PYGB: variants seen among roughly 807,000 people sequenced by gnomAD.
PYGB encodes glycogen phosphorylase B.
Under a neutral mutation model 94.3 loss-of-function variants are expected in PYGB, and 82 were observed. The ratio of observed to expected loss-of-function variants is 0.87; its 90% confidence interval spans 0.73 to 1.04. PYGB has a LOEUF of 1.04. Among genes scored for constraint, PYGB ranks in the 50% least tolerant of loss-of-function variants. The probability of loss-of-function intolerance (pLI) is 0.00; values close to 1 mark genes in which losing one functional copy is unlikely to be tolerated. For synonymous variants in PYGB, 488 were observed against 479.1 expected (o/e 1.02, Z -0.24); for missense variants, 1,132 against 1,158.2 (o/e 0.98, Z 0.33).
At chr20:25,283,072 G>T in intron 12 of PYGB, 104 bp from the exon 13 acceptor site, 1 of 960,172 alleles carries the variant, frequency 1.0e-6, no homozygotes, top group Non-Finnish European at 1.6e-6. Flanking sequence ...CAGATCCCAG[G>T]GGAAAGCAGG....
intron 1 of PYGB, among the ~76,000 whole-genome samples, chr20:25,256,615 AGGCG>A (rs1167078704): frequency 6.6e-6 from 1 of 152,236 alleles, no homozygotes; most frequent in Non-Finnish European, 1.5e-5. Flanking sequence ...GTTCAATCCC[AGGCG>A]GCAGGGCCTC....
At chr20:25,290,423 C>A (rs2088455900) in intron 15 of PYGB, 58 bp from the exon 16 acceptor site, 1 of 1,580,190 alleles carries the variant, frequency 6.3e-7, no homozygotes, top group Non-Finnish European at 8.7e-7. Flanking sequence ...ACCAGGAGCG[C>A]CTCCAAGGGC....
chr20:25,293,364 G>C (rs186350338), intron 17 of PYGB, among the ~76,000 whole-genome samples: 1 of 152,166 alleles, frequency 6.6e-6, no homozygotes, highest in Non-Finnish European at 1.5e-5. Context: ...GTGTGTGGCC[G>C]TCAGGTCTCC....
chr20:25,249,544 G>A (rs764109379), intron 1 of PYGB, among the ~76,000 whole-genome samples: 5 of 152,196 alleles, frequency 3.3e-5, no homozygotes, highest in African/African-American at 4.8e-5. Context: ...CTTTATGGAT[G>A]GTATTTTAGA....
At chr20:25,248,571 G>T in intron 1 of PYGB, 150 bp downstream of exon 1, 2 of 1,091,626 alleles carry the variant, frequency 1.8e-6, no homozygotes, top group Non-Finnish European at 2.3e-6. Context: ...CTGGGGAGTC[G>T]CCTGGAAGCC....
chr20:25,271,270 T>C (rs1255523827), intron 3 of PYGB, 113 bp from the exon 4 acceptor site: 1 of 957,170 alleles, frequency 1.0e-6, no homozygotes, highest in Non-Finnish European at 1.7e-6. Context: ...CAGTGAAGCC[T>C]GAAGTCAGTG....
intron 1 of PYGB, among the ~76,000 whole-genome samples, chr20:25,258,915 G>A (rs73101756): frequency 0.06 from 9,199 of 152,350 alleles, 348 homozygotes; most frequent in Non-Finnish European, 0.081. Flanking sequence ...GCAGACCTGG[G>A]TCTGTCCAGT....
At chr20:25,266,693 A>G (rs1380471263) in intron 2 of PYGB, among the ~76,000 whole-genome samples, 1 of 152,218 alleles carries the variant, frequency 6.6e-6, no homozygotes, top group Admixed American at 6.5e-5. Flanking sequence ...AGACAACCCA[A>G]TTGAAAAATG....
At position 25,276,804 on chromosome 20, in the gene PYGB, G is replaced by T. The variant is rs534466961; in HGVS notation, c.772+47G>T. 5 of 1,554,064 alleles carry T rather than the reference G, an allele frequency of 3.2e-6. No homozygotes were observed. The African/African-American group carries it at 6.8e-5, about 21-fold the overall frequency. ...ACCCTTGTGTCCATGTGGGTGGCTG[G>T]TCCCAGACACCCTCGCCCACAGCCT... On this transcript the variant is annotated intron_variant, in intron 6 of 19. Coordinates refer to ENST00000216962, the MANE Select transcript of PYGB (RefSeq NM_002862.4).
chr20:25,284,249 A>G lies in PYGB; in HGVS notation c.1766A>G (p.Asn589Ser). ...LNCLHVVTLY[N>S]RIKRDPAKAF... Reference sequence around the variant, plus strand: ...TGCCTGCACGTCGTCACCCTGTACAATCGTGAGTGCCGGCATCACCTGCAT... The same window carrying G: ...TGCCTGCACGTCGTCACCCTGTACAGTCGTGAGTGCCGGCATCACCTGCAT... The change falls in exon 14 of 20, where the codon AAT becomes AGT. Residue 589 changes from asparagine (N) to serine (S), a missense_variant and splice_region_variant. Transcript: ENST00000216962. 1 of 1,612,938 alleles carries G rather than the reference A, an allele frequency of 6.2e-7. No individual in the cohort carries two copies. The highest frequency in any genetic ancestry group is 8.5e-7 in the Non-Finnish European group (1 of 1,179,346).
At chr20:25,282,234 G>C in intron 12 of PYGB, 87 bp downstream of exon 12, 1 of 1,064,806 alleles carries the variant, frequency 9.4e-7, no homozygotes, top group Non-Finnish European at 1.4e-6. Flanking sequence ...AGCGGTTGCT[G>C]AGTAGGCAGG....
rs2088385499 is a variant in PYGB, at chr20:25,283,263, G to A, written c.1606G>A (p.Ala536Thr). The change falls in exon 13 of 20, where the codon GCC becomes ACC. Residue 536 changes from alanine to threonine, a missense_variant. Ala to Thr is a moderately conservative substitution (Grantham distance 58). Transcript: ENST00000216962. ...VSDEVFIRDV[A>T]KVKQENKLKF... ...TGACGAGGTGTTCATCAGGGACGTGGCCAAGGTCAAACAGGTAGGCATGGC... is the reference window on the plus strand; with the variant it reads ...TGACGAGGTGTTCATCAGGGACGTGACCAAGGTCAAACAGGTAGGCATGGC... 1 of 1,613,380 alleles carries A rather than the reference G, an allele frequency of 6.2e-7. No homozygotes were observed.
chr20:25,254,166 A>G (rs973618340), intron 1 of PYGB, among the ~76,000 whole-genome samples: 1 of 152,050 alleles, frequency 6.6e-6, no homozygotes, highest in Non-Finnish European at 1.5e-5. Flanking sequence ...GCTCTCCTAC[A>G]CACCCACAGT....
intron 2 of PYGB, among the ~76,000 whole-genome samples, chr20:25,260,434 A>G (rs2092910837): frequency 6.6e-6 from 1 of 152,234 alleles, no homozygotes. Flanking sequence ...ACAGAAAATG[A>G]ATGTTAATTA....
At position 25,278,376 on chromosome 20, in the gene PYGB, C is replaced by T. The variant is rs1262097408; in HGVS notation, c.913C>T (p.Leu305Phe). 1 of 1,603,312 alleles carries T rather than the reference C, an allele frequency of 6.2e-7. No homozygotes were observed. Among genetic ancestry groups the T allele is most frequent in the South Asian group, 1.1e-5 (1 of 90,740 alleles). Residue 305 changes from leucine (L) to phenylalanine (F), a missense_variant, in exon 8 of 20, where the codon CTC becomes TTC. Leu to Phe is a conservative substitution (Grantham distance 22). Coordinates refer to ENST00000216962, the MANE Select transcript of PYGB (RefSeq NM_002862.4). ...GGAGTACTTCGTGGTGGCCGCCACG[C>T]TCCAGGACATCATCCGCCGCTTCAA... ...KQEYFVVAATLQDIIRRFKSS... is the reference protein window; with the variant it reads ...KQEYFVVAATFQDIIRRFKSS...
At chr20:25,249,815 T>G (rs2092882476) in intron 1 of PYGB, among the ~76,000 whole-genome samples, 1 of 151,736 alleles carries the variant, frequency 6.6e-6, no homozygotes, top group Non-Finnish European at 1.5e-5. Context: ...CCCCCAGAAT[T>G]CCCTGCTGTT....
intron 2 of PYGB, among the ~76,000 whole-genome samples, chr20:25,268,302 G>A (rs2474770): frequency 0.024 from 3,655 of 151,516 alleles, 138 homozygotes; most frequent in African/African-American, 0.081. Flanking sequence ...TTGACTTAGT[G>A]TATACTAAAT....
At chr20:25,249,626 T>C (rs547073560) in intron 1 of PYGB, among the ~76,000 whole-genome samples, 25 of 152,372 alleles carry the variant, frequency 1.6e-4, no homozygotes, top group African/African-American at 4.8e-4. Flanking sequence ...TCCAAACTTA[T>C]TCTGGGACAT....
Position 25,280,525 on chromosome 20 carries a change from C to T in PYGB, c.1239+113C>T. 3.6e-6 allele frequency: 5 copies of T among 1,387,366 alleles called. No homozygotes were observed. The South Asian group carries it at 6.6e-5, about 18-fold the overall frequency. The allele number at this position is 1,387,366 out of a possible 1,614,324, so 85.9% of individuals were successfully genotyped here. A position where few individuals can be genotyped will look rare whatever the true frequency, so the allele number is the denominator to read the frequency against. On this transcript the variant is annotated intron_variant, in intron 10 of 19. Coordinates refer to ENST00000216962, the MANE Select transcript of PYGB (RefSeq NM_002862.4). ...CTCCTTGAACGAGGCACCCTCTGTT[C>T]AGCAGAGGATGCTTGGGGCTGGGGG...
Sources: allele counts gnomAD v4.1 joint callset (sites outside exome capture counted in the v4.1 genomes callset), GRCh38; gene constraint gnomAD v4.1.1; transcripts MANE v1.5; gene names NCBI Gene and HGNC (gene_info 2026-07-23, HGNC 2026-07-21).